SGCZ: variants seen among roughly 807,000 people sequenced by gnomAD.
The protein encoded by SGCZ is sarcoglycan zeta.
A neutral mutation model predicts 41.3 loss-of-function variants in SGCZ; 40 were observed. The observed-to-expected ratio is 0.97, with a 90% confidence interval of 0.75 to 1.26. The LOEUF is 1.26. Among genes scored for constraint, SGCZ ranks in the 50% most tolerant of loss-of-function variants. The pLI, the probability that SGCZ is intolerant of heterozygous loss-of-function variation, is 0.00. For missense variants in SGCZ, 552 were observed against 369.8 expected (o/e 1.49, Z -4.04); for synonymous variants, 206 against 137.5 (o/e 1.50, Z -3.49).
rs149032744 is a variant in SGCZ, at chr8:14,313,875, G to A, written c.336+10228C>T. On this transcript the variant is annotated intron_variant, in intron 3 of 7. Transcript: ENST00000382080. ...TATGTCATCAGCTCTCATCTTTCTT[G>A]GGGAAAGACAAAAGTATAGGGTTAT... Among the ~76,000 whole-genome samples the A allele has an allele frequency of 7.3e-5, 11 of 151,022 alleles. No homozygotes were observed. In the East Asian group the frequency reaches 2.2e-3, roughly 30 times the overall value.
At chr8:14,896,437 T>TTATTTA (rs1805201244) in intron 1 of SGCZ, among the ~76,000 whole-genome samples, 5 of 151,414 alleles carry the variant, frequency 3.3e-5, no homozygotes, top group South Asian at 2.1e-4. Flanking sequence ...GATGGAAGAC[T>TTATTTA]TTTATTTATT....
intron 1 of SGCZ, among the ~76,000 whole-genome samples, chr8:14,630,603 C>T (rs960902336): frequency 3.9e-5 from 6 of 151,932 alleles, no homozygotes; most frequent in African/African-American, 1.5e-4. Context: ...TTCACAATAG[C>T]AAAGACTTGG....
intron 1 of SGCZ, among the ~76,000 whole-genome samples, chr8:14,868,010 C>G (rs1286368007): frequency 6.6e-6 from 1 of 151,860 alleles, no homozygotes; most frequent in Non-Finnish European, 1.5e-5. Flanking sequence ...TGATTGAGTC[C>G]CTGCCTACCT....
chr8:15,210,891 T>C (rs907091693), intron 1 of SGCZ, among the ~76,000 whole-genome samples: 1 of 151,994 alleles, frequency 6.6e-6, no homozygotes, highest in African/African-American at 2.4e-5. Flanking sequence ...GAACCCCACA[T>C]CCAGCATTTC....
At chr8:14,847,643 GAGGGAGGGAGGC>G (rs1803178452) in intron 1 of SGCZ, among the ~76,000 whole-genome samples, 1 of 144,266 alleles carries the variant, frequency 6.9e-6, no homozygotes, top group Non-Finnish European at 1.5e-5. Flanking sequence ...AGGAAGGAAG[GAGGGAGGGAGGC>G]AGGGAGGGAA....
chr8:14,472,301 T>C (rs1395891986), intron 2 of SGCZ, among the ~76,000 whole-genome samples: 1 of 152,114 alleles, frequency 6.6e-6, no homozygotes, highest in African/African-American at 2.4e-5. Flanking sequence ...GCTTATATTT[T>C]ATTTAAGAAA....
At chr8:14,404,856 C>T (rs1333352709) in intron 2 of SGCZ, among the ~76,000 whole-genome samples, 1 of 152,198 alleles carries the variant, frequency 6.6e-6, no homozygotes, top group Admixed American at 6.5e-5. Context: ...CAATAGGAGG[C>T]ACTCAAGTGA....
chr8:14,386,573 T>G (rs1451140458), intron 2 of SGCZ, among the ~76,000 whole-genome samples: 1 of 152,176 alleles, frequency 6.6e-6, no homozygotes, highest in African/African-American at 2.4e-5. Flanking sequence ...CACTGTAAAG[T>G]GGTTTGTAAC....
chr8:14,116,734 G>C (rs1177150148), intron 5 of SGCZ, among the ~76,000 whole-genome samples: 1 of 151,972 alleles, frequency 6.6e-6, no homozygotes, highest in Admixed American at 6.6e-5. Flanking sequence ...GTAAATTTTA[G>C]AAAGCTCCAT....
At chr8:14,596,239 G>C (rs1805409373) in intron 1 of SGCZ, among the ~76,000 whole-genome samples, 1 of 152,234 alleles carries the variant, frequency 6.6e-6, no homozygotes, top group Non-Finnish European at 1.5e-5. Flanking sequence ...ATTTTACAAA[G>C]CTTCTCCAAT....
At position 14,305,123 on chromosome 8, in the gene SGCZ, C is replaced by G. The variant is rs542637194; in HGVS notation, c.336+18980G>C. On this transcript the variant is annotated intron_variant, in intron 3 of 7. Coordinates refer to ENST00000382080, the MANE Select transcript of SGCZ (RefSeq NM_139167.4). ...TAGATAAAATAGATTTAGTACATATCTTATTTTACTGATATTCATTTTAAT... is the reference window on the plus strand; with the variant it reads ...TAGATAAAATAGATTTAGTACATATGTTATTTTACTGATATTCATTTTAAT... Among the ~76,000 whole-genome samples the G allele has an allele frequency of 2.0e-5, 3 of 152,102 alleles. No homozygotes were observed. The South Asian group carries it at 6.2e-4, about 32-fold the overall frequency.
At chr8:14,299,946 T>C (rs538081793) in intron 3 of SGCZ, among the ~76,000 whole-genome samples, 23 of 152,076 alleles carry the variant, frequency 1.5e-4, no homozygotes, top group African/African-American at 5.5e-4. Flanking sequence ...CAAACGTGGA[T>C]GAAATATATT....
intron 1 of SGCZ, among the ~76,000 whole-genome samples, chr8:14,784,969 T>A (rs1422197431): frequency 1.4e-5 from 2 of 140,490 alleles, no homozygotes; most frequent in African/African-American, 5.2e-5. Context: ...ATATATATAA[T>A]ATATATATTT....
intron 1 of SGCZ, among the ~76,000 whole-genome samples, chr8:15,179,602 G>T (rs1166552139): frequency 6.6e-6 from 1 of 152,062 alleles, no homozygotes; most frequent in Admixed American, 6.6e-5. Context: ...CATTATAAAT[G>T]GCACAAAGCA....
intron 1 of SGCZ, among the ~76,000 whole-genome samples, chr8:14,702,359 C>T (rs558497871): frequency 6.6e-6 from 1 of 151,904 alleles, no homozygotes; most frequent in South Asian, 2.1e-4. Context: ...GCTTTCTATC[C>T]ACACACTCTT....
intron 1 of SGCZ, among the ~76,000 whole-genome samples, chr8:15,158,854 C>G (rs1440013587): frequency 6.6e-6 from 1 of 152,126 alleles, no homozygotes; most frequent in Non-Finnish European, 1.5e-5. Flanking sequence ...TATGTGAAGT[C>G]TAAACTCAAG....
chr8:15,010,470 C>T (rs912050075), intron 1 of SGCZ, among the ~76,000 whole-genome samples: 4 of 152,176 alleles, frequency 2.6e-5, no homozygotes, highest in South Asian at 4.2e-4. Flanking sequence ...TATTTATTTA[C>T]TTTTATGTTG....
At chr8:14,732,643 G>C (rs778061018) in intron 1 of SGCZ, among the ~76,000 whole-genome samples, 24 of 152,134 alleles carry the variant, frequency 1.6e-4, no homozygotes, top group Non-Finnish European at 2.9e-4. Context: ...CTGTTTTCGT[G>C]AACTGATGCA....
chr8:14,667,266 G>C (rs1807939988), intron 1 of SGCZ, among the ~76,000 whole-genome samples: 1 of 152,168 alleles, frequency 6.6e-6, no homozygotes, highest in Admixed American at 6.5e-5. Flanking sequence ...AACTGATGAA[G>C]AAACCTATTA....
Sources: allele counts gnomAD v4.1 joint callset (sites outside exome capture counted in the v4.1 genomes callset), GRCh38; gene constraint gnomAD v4.1.1; transcripts MANE v1.5; gene names NCBI Gene and HGNC (gene_info 2026-07-23, HGNC 2026-07-21).